SYT1: variants seen among roughly 807,000 people sequenced by gnomAD.
The protein encoded by SYT1 is synaptotagmin-1.
Under a neutral mutation model 44.8 loss-of-function variants are expected in SYT1, and 8 were observed. That is an observed-to-expected ratio of 0.18 (90% CI 0.10 to 0.32). SYT1 has a LOEUF of 0.32. Ranked by LOEUF, SYT1 falls within the 10% of genes least tolerant of loss-of-function variation. The pLI is 1.00. For synonymous variants in SYT1, 154 were observed against 188.8 expected (o/e 0.82, Z 1.51); for missense variants, 286 against 509.3 (o/e 0.56, Z 4.22).
intron 3 of SYT1, among the ~76,000 whole-genome samples, chr12:79,170,317 A>T (rs1337908160): frequency 6.6e-6 from 1 of 152,078 alleles, no homozygotes; most frequent in Non-Finnish European, 1.5e-5. Context: ...TCCCACCAAC[A>T]ATGTAAAATC....
intron 9 of SYT1, among the ~76,000 whole-genome samples, chr12:79,366,497 C>G (rs914787215): frequency 2.0e-5 from 3 of 152,226 alleles, no homozygotes; most frequent in Non-Finnish European, 4.4e-5. Flanking sequence ...TACTACAAGG[C>G]AAAGCCTAAT....
chr12:78,925,020 A>G (rs893787100), intron 1 of SYT1, among the ~76,000 whole-genome samples: 1 of 151,972 alleles, frequency 6.6e-6, no homozygotes, highest in East Asian at 1.9e-4. Flanking sequence ...CTATATGAAT[A>G]AATACATATA....
chr12:79,359,429 C>G (rs1055828494), intron 9 of SYT1, among the ~76,000 whole-genome samples: 24 of 152,226 alleles, frequency 1.6e-4, no homozygotes, highest in Middle Eastern at 6.8e-3. Context: ...CTAGTCCTGC[C>G]TTGTTACTAT....
chr12:79,067,911 G>A (rs967310960), intron 3 of SYT1, among the ~76,000 whole-genome samples: 1 of 152,184 alleles, frequency 6.6e-6, no homozygotes, highest in Admixed American at 6.5e-5. Flanking sequence ...GAACATATAT[G>A]TGCTGCTGCG....
At chr12:78,883,796 T>C (rs191421266) in intron 1 of SYT1, among the ~76,000 whole-genome samples, 117 of 151,786 alleles carry the variant, frequency 7.7e-4, no homozygotes, top group African/African-American at 2.8e-3. Flanking sequence ...AGTTATATTA[T>C]AAATCTCTAT....
chr12:78,978,180 C>T (rs761853002), intron 2 of SYT1, among the ~76,000 whole-genome samples: 2 of 152,122 alleles, frequency 1.3e-5, no homozygotes, highest in African/African-American at 2.4e-5. Flanking sequence ...GGCACTGGCT[C>T]CTTGTATAAC....
chr12:79,125,487 C>T (rs1289575516), intron 3 of SYT1, among the ~76,000 whole-genome samples: 1 of 146,434 alleles, frequency 6.8e-6, no homozygotes, highest in East Asian at 2.0e-4. Flanking sequence ...TGTAGAGGCT[C>T]GTGCCTGTGA....
At chr12:78,906,178 A>G (rs1875969081) in intron 1 of SYT1, among the ~76,000 whole-genome samples, 1 of 152,098 alleles carries the variant, frequency 6.6e-6, no homozygotes, top group Admixed American at 6.6e-5. Flanking sequence ...ATTATTTTCT[A>G]TAACATTAAG....
chr12:79,222,704 T>A (rs986145097), intron 4 of SYT1, among the ~76,000 whole-genome samples: 5 of 152,156 alleles, frequency 3.3e-5, no homozygotes, highest in African/African-American at 1.2e-4. Context: ...AGCTCCCCAC[T>A]CTTTGTCTCT....
At chr12:79,262,900 CA>C (rs1877909308) in intron 4 of SYT1, among the ~76,000 whole-genome samples, 1 of 152,002 alleles carries the variant, frequency 6.6e-6, no homozygotes, top group Admixed American at 6.6e-5. Context: ...AAGCAGCTCA[CA>C]AAAAAGATAG....
At chr12:79,423,718 C>A (rs1183174101) in intron 9 of SYT1, among the ~76,000 whole-genome samples, 4 of 151,924 alleles carry the variant, frequency 2.6e-5, no homozygotes, top group African/African-American at 9.7e-5. Flanking sequence ...CAGAAAAATT[C>A]TTCAATTTCA....
At chr12:78,955,534 G>GTAACTTCTA (rs1243168403) in intron 1 of SYT1, 1 of 152,070 alleles carries the variant, frequency 6.6e-6, no homozygotes, top group Non-Finnish European at 1.5e-5. Flanking sequence ...CCTTATGGTG[G>GTAACTTCTA]TAACTTCTAT....
intron 9 of SYT1, among the ~76,000 whole-genome samples, chr12:79,417,185 T>C (rs1255753854): frequency 6.6e-6 from 1 of 152,182 alleles, no homozygotes; most frequent in Non-Finnish European, 1.5e-5. Context: ...CTCCTAATCA[T>C]ATTTTCTTAA....
At chr12:78,931,175 A>T (rs1203329176) in intron 1 of SYT1, among the ~76,000 whole-genome samples, 1 of 119,092 alleles carries the variant, frequency 8.4e-6, no homozygotes, top group Non-Finnish European at 1.6e-5. Context: ...GAAAGAAAGA[A>T]AGAAAAAGAA....
At chr12:79,045,205 C>T (rs1447994268) in intron 2 of SYT1, among the ~76,000 whole-genome samples, 4 of 152,208 alleles carry the variant, frequency 2.6e-5, no homozygotes, top group Non-Finnish European at 4.4e-5. Context: ...CAATGGCGGG[C>T]GCCCCTCCCC....
intron 4 of SYT1, among the ~76,000 whole-genome samples, chr12:79,279,803 A>G (rs1878946135): frequency 6.6e-6 from 1 of 152,168 alleles, no homozygotes; most frequent in Non-Finnish European, 1.5e-5. Flanking sequence ...GTCTCAGGGT[A>G]CAAAATCAAG....
At chr12:79,107,646 A>G (rs1397903112) in intron 3 of SYT1, among the ~76,000 whole-genome samples, 15 of 152,028 alleles carry the variant, frequency 9.9e-5, no homozygotes, top group Admixed American at 9.8e-4. Flanking sequence ...GCTCATGCTT[A>G]TATGCATAGA....
At chr12:79,074,653 C>T (rs942049188) in intron 3 of SYT1, among the ~76,000 whole-genome samples, 1 of 152,152 alleles carries the variant, frequency 6.6e-6, no homozygotes, top group Admixed American at 6.6e-5. Flanking sequence ...CTATGTCAGC[C>T]TCTCAGACTC....
chr12:79,283,541 C>G (rs1405854576), intron 4 of SYT1, among the ~76,000 whole-genome samples: 2 of 152,118 alleles, frequency 1.3e-5, no homozygotes, highest in Admixed American at 6.5e-5. Context: ...TATCACCACA[C>G]AAGTCCAACT....
Sources: gnomAD v4.1 joint callset for allele counts (sites outside exome capture counted in the v4.1 genomes callset) on GRCh38, gnomAD v4.1.1 for gene constraint, MANE v1.5 for transcripts, NCBI Gene and HGNC (gene_info 2026-07-23, HGNC 2026-07-21) for gene names.